Variants in CALN1 observed in about 807,000 individuals in gnomAD.
The protein encoded by CALN1 is calneuron 1.
A neutral mutation model predicts 30.6 loss-of-function variants in CALN1; 17 were observed. The observed-to-expected ratio is 0.56, with a 90% CI of 0.38 to 0.83. CALN1 has a LOEUF of 0.83. Among genes scored for constraint, CALN1 ranks in the 40% least tolerant of loss-of-function variants. The pLI is 0.00. For synonymous variants in CALN1, 156 were observed against 131.4 expected, an observed-to-expected ratio of 1.19 and a Z score of -1.28; for missense variants, 291 against 354.9, an observed-to-expected ratio of 0.82 and a Z score of 1.45.
At position 72,443,427 on chromosome 7, in the gene CALN1, C is replaced by T. The variant is rs113160338; in HGVS notation, c.-226+3615G>A. Among the ~76,000 whole-genome samples, 895 of 152,264 alleles carry T rather than the reference C, an allele frequency of 5.9e-3. 5 individuals are homozygous for T. Among genetic ancestry groups the T allele is most frequent in the African/African-American group, 0.018 (764 of 41,536 alleles). The stretch of plus-strand genomic sequence containing the variant: ...TGAAGTGCCCGCCTTTCACGCACCC[C>T]GGGTCCCTTAGGATCTAACCCCTGT... On this transcript the variant is annotated intron_variant, in intron 1 of 6. Coordinates refer to the CALN1 transcript ENST00000395276.
intron 2 of CALN1, among the ~76,000 whole-genome samples, chr7:72,371,833 TAAAGTAAG>T (rs1804261528): frequency 6.6e-6 from 1 of 152,198 alleles, no homozygotes. Context: ...CTGGGTAAGA[TAAAGTAAG>T]CATGTTCCAC....
In CALN1 at chr7:72,110,377, C is replaced by T. The variant is rs75767102; in HGVS notation, c.245-4083G>A. Reference sequence around the variant, plus strand: ...AGATGGAGGTCACTCCAGAACTTCCCTCCTCTAAAGGGACCTGCTCCTTCG... The same window carrying T: ...AGATGGAGGTCACTCCAGAACTTCCTTCCTCTAAAGGGACCTGCTCCTTCG... On this transcript the variant is annotated intron_variant, in intron 3 of 6. Transcript: ENST00000395275. Among the ~76,000 whole-genome samples the T allele has an allele frequency of 1.6e-4, 24 of 152,292 alleles. No homozygotes were observed. The East Asian group carries it at 4.6e-3, about 30-fold the overall frequency.
chr7:72,286,099 G>A (rs1345941369), intron 2 of CALN1, among the ~76,000 whole-genome samples: 1 of 152,204 alleles, frequency 6.6e-6, no homozygotes, highest in Non-Finnish European at 1.5e-5. Context: ...CAGTGGTGCA[G>A]CCTTGAAGTC....
At chr7:72,009,584 G>A (rs1195331063) in intron 5 of CALN1, among the ~76,000 whole-genome samples, 1 of 152,196 alleles carries the variant, frequency 6.6e-6, no homozygotes, top group East Asian at 1.9e-4. Context: ...TGGTTTGGCT[G>A]TGTCCCCACC....
intron 5 of CALN1, among the ~76,000 whole-genome samples, chr7:71,982,994 T>C (rs2129527307): frequency 6.6e-6 from 1 of 152,302 alleles, no homozygotes; most frequent in African/African-American, 2.4e-5. Context: ...AAAGCCCATT[T>C]GCATAATAAG....
intron 5 of CALN1, among the ~76,000 whole-genome samples, chr7:71,999,293 A>G (rs1799409555): frequency 6.6e-6 from 1 of 152,224 alleles, no homozygotes. Context: ...GCAATCTTAA[A>G]TATGGCCACA....
At chr7:72,269,004 A>G (rs532118843) in intron 3 of CALN1, among the ~76,000 whole-genome samples, 96 of 152,312 alleles carry the variant, frequency 6.3e-4, no homozygotes, top group African/African-American at 2.0e-3. Flanking sequence ...GGAAATTCAC[A>G]TGACAAGCCC....
chr7:72,273,996 T>C (rs998498378), intron 3 of CALN1, among the ~76,000 whole-genome samples: 1 of 152,094 alleles, frequency 6.6e-6, no homozygotes. Context: ...ATTATGAATA[T>C]ATATACAAAT....
chr7:72,364,635 A>G (rs896114391), intron 2 of CALN1, among the ~76,000 whole-genome samples: 3 of 152,234 alleles, frequency 2.0e-5, no homozygotes, highest in Non-Finnish European at 4.4e-5. Flanking sequence ...ACAGACAAAC[A>G]TAGATCCTCA....
chr7:72,316,639 T>C (rs923801877), intron 2 of CALN1, among the ~76,000 whole-genome samples: 4 of 152,114 alleles, frequency 2.6e-5, no homozygotes, highest in Admixed American at 1.3e-4. Context: ...CTTATGCACT[T>C]AAAAGAATAT....
intron 5 of CALN1, among the ~76,000 whole-genome samples, chr7:71,840,037 G>A (rs1050871194): frequency 1.3e-5 from 2 of 152,144 alleles, no homozygotes; most frequent in African/African-American, 4.8e-5. Flanking sequence ...TTACTGTTGG[G>A]CCACAGATTC....
At position 72,013,279 on chromosome 7, in the gene CALN1, G is replaced by T. The variant is rs970836481; in HGVS notation, c.501+10378C>A. Among the ~76,000 whole-genome samples, 39 of 118,788 alleles carry T rather than the reference G, an allele frequency of 3.3e-4. No individual in the cohort carries two copies. The Admixed American group carries it at 3.3e-3, about 10-fold the overall frequency. The allele number at this position is 118,788 out of a possible 152,430, so 77.9% of individuals were successfully genotyped here. On this transcript the variant is annotated intron_variant, in intron 5 of 6. Coordinates refer to ENST00000395275, the MANE Select transcript of CALN1 (RefSeq NM_031468.4). Reference sequence around the variant, plus strand: ...TTTTTTTTTTTTTTTTTTGAGACAGGATCTGGCTGTCACCCAGGCTGGAGT... The same window carrying T: ...TTTTTTTTTTTTTTTTTTGAGACAGTATCTGGCTGTCACCCAGGCTGGAGT...
intron 5 of CALN1, among the ~76,000 whole-genome samples, chr7:71,869,987 C>T (rs1791827171): frequency 6.6e-6 from 1 of 152,178 alleles, no homozygotes; most frequent in East Asian, 1.9e-4. Flanking sequence ...CTGATTAGCA[C>T]ATCGCAGGAA....
chr7:72,042,630 G>A (rs1802200647), intron 4 of CALN1, among the ~76,000 whole-genome samples: 2 of 152,106 alleles, frequency 1.3e-5, no homozygotes, highest in Admixed American at 1.3e-4. Context: ...CAGCACTTTG[G>A]GAGGCTGAGG....
chr7:72,344,573 T>C (rs2129558954), intron 2 of CALN1, among the ~76,000 whole-genome samples: 1 of 147,476 alleles, frequency 6.8e-6, no homozygotes, highest in African/African-American at 2.5e-5. Flanking sequence ...TATATTTATT[T>C]ATATATTCTA....
chr7:72,455,982 C>T, the CALN1 span, among the ~76,000 whole-genome samples: 2 of 151,876 alleles, frequency 1.3e-5, no homozygotes, highest in African/African-American at 4.8e-5. Context: ...GTCAAGAGAT[C>T]GAGACCATCC....
chr7:72,060,411 T>C (rs1367080430), intron 4 of CALN1, among the ~76,000 whole-genome samples: 2 of 151,922 alleles, frequency 1.3e-5, no homozygotes, highest in African/African-American at 4.8e-5. Context: ...GAATGAAAAA[T>C]AGAGTCCTAA....
intron 2 of CALN1, among the ~76,000 whole-genome samples, chr7:72,343,705 G>A (rs1445782183): frequency 6.6e-6 from 1 of 152,160 alleles, no homozygotes; most frequent in Non-Finnish European, 1.5e-5. Flanking sequence ...TGAAGAAGAA[G>A]CTATTCCAGT....
At chr7:71,855,218 T>A (rs1040429565) in intron 5 of CALN1, among the ~76,000 whole-genome samples, 15 of 152,328 alleles carry the variant, frequency 9.8e-5, no homozygotes, top group Non-Finnish European at 2.1e-4. Flanking sequence ...CTGGCAGCAT[T>A]ACCCGAGTGC....
Sources: gnomAD v4.1 joint callset for allele counts (sites outside exome capture counted in the v4.1 genomes callset) on GRCh38, gnomAD v4.1.1 for gene constraint, MANE v1.5 for transcripts, NCBI Gene and HGNC (gene_info 2026-07-23, HGNC 2026-07-21) for gene names.